DLGAP2: variants seen among roughly 807,000 people sequenced by gnomAD.
The protein encoded by DLGAP2 is DLG associated protein 2, also known as disks large-associated protein 2.
A neutral mutation model predicts 100.3 loss-of-function variants in DLGAP2; 26 were observed. The observed-to-expected ratio is 0.26, with a 90% CI of 0.19 to 0.36. The LOEUF (loss-of-function observed/expected upper bound fraction) is 0.36. Among genes scored for constraint, DLGAP2 ranks in the 10% least tolerant of loss-of-function variants. DLGAP2 has a pLI of 1.00. For synonymous variants in DLGAP2, 886 were observed against 630.1 expected (o/e 1.41, Z -6.08); for missense variants, 1,858 against 1,453.2 (o/e 1.28, Z -4.53).
intron 1 of DLGAP2, among the ~76,000 whole-genome samples, chr8:818,000 C>A (rs894277258): frequency 6.6e-6 from 1 of 152,006 alleles, no homozygotes; most frequent in African/African-American, 2.4e-5. Context: ...GCAAACTTGC[C>A]CTAGGGTGTA....
At position 1,376,628 on chromosome 8, in the gene DLGAP2, GCTC is replaced by G. The variant is rs1802394751; in HGVS notation, c.106+117746_106+117748del. Among the ~76,000 whole-genome samples, 3 of 152,176 alleles carry G rather than the reference GCTC, an allele frequency of 2.0e-5. No homozygotes were observed. In the East Asian group the frequency reaches 5.8e-4, roughly 29 times the overall value. On this transcript the variant is annotated intron_variant, in intron 3 of 14. Transcript: ENST00000637795. The stretch of plus-strand genomic sequence containing the variant: ...GGAGCCGGGTGACAGGGACGTGCCA[GCTC>G]ACAGGGCTGCCAAGACCCTCACTCT...
At chr8:1,383,674 C>G (rs1323859422) in intron 3 of DLGAP2, among the ~76,000 whole-genome samples, 1 of 152,202 alleles carries the variant, frequency 6.6e-6, no homozygotes, top group Non-Finnish European at 1.5e-5. Context: ...TGCCGTCCAC[C>G]TGGCCCAGGG....
At chr8:1,434,626 G>A (rs879501363) in intron 3 of DLGAP2, among the ~76,000 whole-genome samples, 6 of 152,050 alleles carry the variant, frequency 3.9e-5, no homozygotes, top group East Asian at 3.9e-4. Context: ...ACAGGCGTGC[G>A]CCACCACACC....
At chr8:1,294,524 T>C (rs977378140) in intron 3 of DLGAP2, among the ~76,000 whole-genome samples, 1 of 152,206 alleles carries the variant, frequency 6.6e-6, no homozygotes, top group African/African-American at 2.4e-5. Flanking sequence ...TCTCCTGCGA[T>C]TTTGTGAGCT....
In DLGAP2 at chr8:1,703,593, C is replaced by T. The variant is rs3735764; in HGVS notation, c.*2187C>T. The T allele has an allele frequency of 3.3e-5, 5 of 152,124 alleles. No homozygotes were observed. The highest frequency in any genetic ancestry group is 1.9e-4 in the East Asian group (1 of 5,188). 9.4% of individuals were successfully genotyped at this position (152,124 alleles called of 1,614,324 possible). On this transcript the variant is annotated 3_prime_UTR_variant, in exon 15 of 15. Transcript: ENST00000637795. ...AGGAAATGTAATGTGGATAAAGGCC[C>T]GCCACCTCCTCACATTGGTCTATCT...
intron 2 of DLGAP2, among the ~76,000 whole-genome samples, chr8:1,098,832 C>G (rs570929015): frequency 2.0e-5 from 3 of 151,688 alleles, no homozygotes; most frequent in African/African-American, 7.2e-5. Flanking sequence ...CGGCCGCGCA[C>G]GGACGCTGCG....
chr8:1,000,799 C>G (rs376074571), intron 2 of DLGAP2, among the ~76,000 whole-genome samples: 15 of 152,140 alleles, frequency 9.9e-5, no homozygotes, highest in East Asian at 7.7e-4. Flanking sequence ...CTCCTCAAGA[C>G]TCCAAGCAGC....
intron 2 of DLGAP2, among the ~76,000 whole-genome samples, chr8:1,094,699 G>A (rs1804307663): frequency 6.6e-6 from 1 of 152,170 alleles, no homozygotes; most frequent in Admixed American, 6.5e-5. Context: ...ACCGTGCAGC[G>A]GGCACAAGAG....
intron 1 of DLGAP2, among the ~76,000 whole-genome samples, chr8:803,855 C>T (rs1334914072): frequency 1.3e-5 from 2 of 152,186 alleles, no homozygotes; most frequent in Non-Finnish European, 2.9e-5. Context: ...TAGACATTAA[C>T]ATTTTGCTAG....
intron 4 of DLGAP2, among the ~76,000 whole-genome samples, chr8:1,504,835 CGA>C (rs1799851402): frequency 6.6e-6 from 1 of 152,138 alleles, no homozygotes; most frequent in South Asian, 2.1e-4. Context: ...TTAACGAACA[CGA>C]GAGAGCAGAT....
intron 12 of DLGAP2, among the ~76,000 whole-genome samples, chr8:1,688,849 G>A (rs1799180006): frequency 6.6e-6 from 1 of 152,198 alleles, no homozygotes; most frequent in Non-Finnish European, 1.5e-5. Context: ...CTGGGTCACG[G>A]CGTGCCATAA....
intron 3 of DLGAP2, among the ~76,000 whole-genome samples, chr8:1,360,368 T>TAG (rs1801956134): frequency 6.6e-6 from 1 of 151,964 alleles, no homozygotes; most frequent in African/African-American, 2.4e-5. Flanking sequence ...AGGGTGCAGC[T>TAG]AGAGGCTTTG....
chr8:1,097,001 T>C (rs572714491), intron 2 of DLGAP2, among the ~76,000 whole-genome samples: 27 of 116,760 alleles, frequency 2.3e-4, no homozygotes, highest in African/African-American at 5.0e-4. Flanking sequence ...CACCTCCCTG[T>C]GCTCAGGAGA....
intron 2 of DLGAP2, among the ~76,000 whole-genome samples, chr8:931,470 G>C (rs1009213019): frequency 2.0e-5 from 3 of 152,200 alleles, no homozygotes; most frequent in African/African-American, 7.2e-5. Flanking sequence ...GGCTACCCTG[G>C]GATCTGGGAT....
intron 3 of DLGAP2, among the ~76,000 whole-genome samples, chr8:1,464,158 C>G (rs1798540142): frequency 6.6e-6 from 1 of 152,204 alleles, no homozygotes; most frequent in South Asian, 2.1e-4. Flanking sequence ...TCCAGGACAG[C>G]TCCCTTCCAG....
rs77190549 is a variant in DLGAP2, at chr8:1,350,260, A to C, written c.106+91377A>C. 6.6e-4 allele frequency among the ~76,000 whole-genome samples: 16 copies of C among 24,194 alleles called. 1 individual carries two copies. Among genetic ancestry groups the C allele is most frequent in the Non-Finnish European group, 8.8e-4 (11 of 12,488 alleles). The allele number at this position is 24,194 out of a possible 152,430, so 15.9% of individuals were successfully genotyped here. A position where few individuals can be genotyped will look rare whatever the true frequency, so the allele number is the denominator to read the frequency against. ...TGGAAAGGCCGTGCGGGTCCTGAGC[A>C]TGTGTGGAACGGCCGTGCGGGTCCT... On this transcript the variant is annotated intron_variant, in intron 3 of 14. Transcript: ENST00000637795.
chr8:800,290 T>G (rs1022404082), intron 1 of DLGAP2, among the ~76,000 whole-genome samples: 1 of 152,204 alleles, frequency 6.6e-6, no homozygotes, highest in African/African-American at 2.4e-5. Flanking sequence ...TGTGTTTTCT[T>G]TAAAGATTAG....
At chr8:912,007 C>A (rs997428420) in intron 2 of DLGAP2, among the ~76,000 whole-genome samples, 11 of 152,192 alleles carry the variant, frequency 7.2e-5, no homozygotes, top group African/African-American at 2.7e-4. Context: ...ATAATACATT[C>A]TTTTCTTTAG....
In DLGAP2 at chr8:1,407,941, C is replaced by G. The variant is rs914755636; in HGVS notation, c.107-93425C>G. 4.6e-5 allele frequency among the ~76,000 whole-genome samples: 7 copies of G among 152,194 alleles called. 1 individual carries two copies. Among genetic ancestry groups the G allele is most frequent in the Non-Finnish European group, 1.0e-4 (7 of 68,042 alleles). On this transcript the variant is annotated intron_variant, in intron 3 of 14. Coordinates refer to ENST00000637795, the MANE Select transcript of DLGAP2 (RefSeq NM_001346810.2). ...TACCGCAGGGTCCACCTCAGGGCTTCCAGCATTTCCTTGTTGGGGGTTGGG... is the reference window on the plus strand; with the variant it reads ...TACCGCAGGGTCCACCTCAGGGCTTGCAGCATTTCCTTGTTGGGGGTTGGG...
Sources: allele counts gnomAD v4.1 joint callset (sites outside exome capture counted in the v4.1 genomes callset), GRCh38; gene constraint gnomAD v4.1.1; transcripts MANE v1.5; gene names NCBI Gene and HGNC (gene_info 2026-07-23, HGNC 2026-07-21).